Variants in EXOC2 observed in about 807,000 individuals in gnomAD.
EXOC2 encodes exocyst complex component 2.
Under a neutral mutation model 131.8 loss-of-function variants are expected in EXOC2, and 70 were observed. The observed-to-expected ratio is 0.53, with a 90% CI of 0.44 to 0.65. EXOC2 has a LOEUF of 0.65. Ranked by LOEUF, EXOC2 falls within the 30% of genes least tolerant of loss-of-function variation. The pLI is 0.00. For missense variants in EXOC2, 923 were observed against 1,108.6 expected, an observed-to-expected ratio of 0.83 and a Z score of 2.38; for synonymous variants, 411 against 398.4, an observed-to-expected ratio of 1.03 and a Z score of -0.38.
At chr6:657,120 T>C (rs541489472) in intron 1 of EXOC2, 32 of 477,234 alleles carry the variant, frequency 6.7e-5, no homozygotes, top group African/African-American at 2.8e-4. Context: ...TCCGCAGCCC[T>C]AGGCCTGGAG....
At chr6:650,497 C>T (rs972142378) in intron 1 of EXOC2, among the ~76,000 whole-genome samples, 17 of 152,222 alleles carry the variant, frequency 1.1e-4, no homozygotes, top group Non-Finnish European at 2.2e-4. Flanking sequence ...TATTGTAAAA[C>T]GTTTTTACTG....
intron 1 of EXOC2, among the ~76,000 whole-genome samples, chr6:639,470 G>A (rs1762255553): frequency 7.6e-6 from 1 of 132,328 alleles, no homozygotes; most frequent in African/African-American, 2.8e-5. Flanking sequence ...TTGCCACTGT[G>A]AGCAGGTGTG....
chr6:675,001 C>G (rs1764043705), intron 1 of EXOC2, among the ~76,000 whole-genome samples: 1 of 152,092 alleles, frequency 6.6e-6, no homozygotes, highest in South Asian at 2.1e-4. Flanking sequence ...CTCAGCTTGC[C>G]TACCCTGCCT....
intron 7 of EXOC2, among the ~76,000 whole-genome samples, chr6:604,542 G>A (rs965849577): frequency 3.9e-5 from 6 of 152,174 alleles, no homozygotes; most frequent in East Asian, 3.9e-4. Flanking sequence ...AAACTTCTGC[G>A]ATGGCTCACT....
intron 1 of EXOC2, chr6:670,326 C>T (rs1763807967): frequency 6.6e-6 from 1 of 152,138 alleles, no homozygotes; most frequent in African/African-American, 2.4e-5. Flanking sequence ...TGGATTCTGC[C>T]TTGGGCCAAA....
chr6:515,110 A>G (rs544707121), intron 23 of EXOC2, among the ~76,000 whole-genome samples: 42 of 152,228 alleles, frequency 2.8e-4, no homozygotes, highest in Non-Finnish European at 5.3e-4. Flanking sequence ...AAACAAATTT[A>G]TAACATTGTT....
At chr6:489,098 T>C in intron 26 of EXOC2, 60 bp from the exon 27 acceptor site, 1 of 1,509,106 alleles carries the variant, frequency 6.6e-7, no homozygotes, top group Non-Finnish European at 9.2e-7. Context: ...GCTGACAAAT[T>C]CTTAAGCATC....
At chr6:594,648 C>G (rs1220985487) in intron 10 of EXOC2, among the ~76,000 whole-genome samples, 1 of 152,206 alleles carries the variant, frequency 6.6e-6, no homozygotes, top group Non-Finnish European at 1.5e-5. Context: ...AAAATGTTGA[C>G]TGTGTCCTTG....
chr6:545,551 G>A (rs1011232412), intron 22 of EXOC2, among the ~76,000 whole-genome samples: 12 of 152,164 alleles, frequency 7.9e-5, no homozygotes, highest in South Asian at 2.1e-4. Context: ...AAGAAAAAGC[G>A]CTAACCTCCT....
At chr6:514,817 G>GT (rs1435074687) in intron 23 of EXOC2, among the ~76,000 whole-genome samples, 1 of 152,204 alleles carries the variant, frequency 6.6e-6, no homozygotes, top group African/African-American at 2.4e-5. Flanking sequence ...GTCAAGCCCC[G>GT]TGATGTCCCA....
At chr6:650,642 T>C (rs1270841117) in intron 1 of EXOC2, among the ~76,000 whole-genome samples, 2 of 152,246 alleles carry the variant, frequency 1.3e-5, no homozygotes, top group Admixed American at 6.5e-5. Context: ...TTTCAAAAGC[T>C]ACATTACAAA....
chr6:648,729 T>C (rs936580403), intron 1 of EXOC2, among the ~76,000 whole-genome samples: 6 of 147,504 alleles, frequency 4.1e-5, no homozygotes, highest in Admixed American at 2.7e-4. Flanking sequence ...TTTTTTTTTT[T>C]TTTTTTTTTT....
At chr6:550,202 T>C (rs1274242504) in intron 21 of EXOC2, among the ~76,000 whole-genome samples, 5 of 152,276 alleles carry the variant, frequency 3.3e-5, no homozygotes, top group African/African-American at 1.2e-4. Flanking sequence ...AAAAAACACT[T>C]TCCATCACAT....
intron 1 of EXOC2, among the ~76,000 whole-genome samples, chr6:682,757 T>C (rs1208492218): frequency 6.6e-6 from 1 of 152,212 alleles, no homozygotes; most frequent in Non-Finnish European, 1.5e-5. Context: ...TGATAATGGA[T>C]TCAGGGTTTT....
chr6:649,327 T>C (rs184361746), intron 1 of EXOC2, among the ~76,000 whole-genome samples: 6 of 152,320 alleles, frequency 3.9e-5, no homozygotes, highest in East Asian at 1.9e-4. Flanking sequence ...ACTAATAATA[T>C]ACAAAGTACT....
chr6:505,436 T>G (rs1166733999), intron 23 of EXOC2, among the ~76,000 whole-genome samples: 1 of 152,224 alleles, frequency 6.6e-6, no homozygotes, highest in Non-Finnish European at 1.5e-5. Flanking sequence ...TACTGAGTAG[T>G]CACCTGGGGG....
At chr6:563,623 A>G (rs1053307681) in intron 16 of EXOC2, among the ~76,000 whole-genome samples, 2 of 152,228 alleles carry the variant, frequency 1.3e-5, no homozygotes, top group African/African-American at 4.8e-5. Context: ...AGAATCATCT[A>G]TAATTTCTGG....
rs1419719325 is a variant in EXOC2, at chr6:617,806, T to C, written c.566A>G (p.Asn189Ser). ...CTTCTTGTTAGCCTGTCTCTTTAGG[T>C]TGGTGACTGCCATTTTGAGCTGCTC... ...SFEQLKMAVTNLKRQANKKSE... is the reference protein window; with the variant it reads ...SFEQLKMAVTSLKRQANKKSE... The change falls in exon 6 of 28, where the codon AAC becomes AGC. Residue 189 changes from asparagine to serine, a missense_variant. Asn to Ser is a conservative substitution (Grantham distance 46, BLOSUM62 1). Transcript: ENST00000230449. The C allele has an allele frequency of 6.2e-7, 1 of 1,613,582 alleles. No individual in the cohort carries two copies. The highest frequency in any genetic ancestry group is 8.5e-7 in the Non-Finnish European group (1 of 1,179,764).
At chr6:577,282 C>A (rs534677686) in intron 11 of EXOC2, among the ~76,000 whole-genome samples, 1 of 152,142 alleles carries the variant, frequency 6.6e-6, no homozygotes, top group Non-Finnish European at 1.5e-5. Flanking sequence ...CCAAATCCCA[C>A]CATTTGTTTC....
Sources: allele counts gnomAD v4.1 joint callset (sites outside exome capture counted in the v4.1 genomes callset), GRCh38; gene constraint gnomAD v4.1.1; transcripts MANE v1.5; gene names NCBI Gene and HGNC (gene_info 2026-07-23, HGNC 2026-07-21).